STIM2: variants seen among roughly 807,000 people sequenced by gnomAD.
STIM2 encodes stromal interaction molecule 2.
Under a neutral mutation model 85.8 loss-of-function variants are expected in STIM2, and 31 were observed. That is an observed-to-expected ratio of 0.36 (90% CI 0.27 to 0.49). The LOEUF is 0.49. STIM2 is among the 20% of genes least tolerant of loss of function. The pLI is 0.98. For missense variants in STIM2, 841 were observed against 927.6 expected (o/e 0.91, Z 1.21); for synonymous variants, 356 against 331.1 (o/e 1.08, Z -0.82).
intron 1 of STIM2, among the ~76,000 whole-genome samples, chr4:26,903,473 T>G (rs1479509338): frequency 6.6e-6 from 1 of 152,244 alleles, no homozygotes; most frequent in Non-Finnish European, 1.5e-5. Flanking sequence ...TATTTCTGTT[T>G]GCTTCAAGTA....
intron 8 of STIM2, 125 bp from the exon 9 acceptor site, chr4:27,008,303 A>C (rs995848491): frequency 3.6e-6 from 2 of 550,192 alleles, no homozygotes; most frequent in African/African-American, 3.9e-5. Context: ...CTTGGCTAGT[A>C]ATTCTCTACT....
chr4:26,868,228 A>C (rs1722475869), intron 1 of STIM2, among the ~76,000 whole-genome samples: 1 of 152,230 alleles, frequency 6.6e-6, no homozygotes, highest in Non-Finnish European at 1.5e-5. Context: ...AGCGCAGTTT[A>C]CTTGGACTAA....
At chr4:26,977,121 C>T (rs1008720298) in intron 3 of STIM2, among the ~76,000 whole-genome samples, 1 of 152,058 alleles carries the variant, frequency 6.6e-6, no homozygotes, top group Non-Finnish European at 1.5e-5. Context: ...ATCAGAGTGG[C>T]GCTAGAGGGT....
chr4:27,003,310 G>A (rs2109132551), intron 7 of STIM2, among the ~76,000 whole-genome samples: 1 of 152,232 alleles, frequency 6.6e-6, no homozygotes, highest in Middle Eastern at 3.4e-3. Context: ...TTACCATCAT[G>A]TTCACTCATT....
chr4:26,988,580 T>C (rs1727661637), intron 3 of STIM2, among the ~76,000 whole-genome samples: 1 of 152,168 alleles, frequency 6.6e-6, no homozygotes. Flanking sequence ...GCACAATGTT[T>C]AACAACTCTA....
intron 5 of STIM2, among the ~76,000 whole-genome samples, chr4:27,000,510 A>G (rs1030755733): frequency 1.3e-5 from 2 of 152,184 alleles, no homozygotes; most frequent in Admixed American, 6.5e-5. Flanking sequence ...GTTGGTAAAA[A>G]TAGGAATTAA....
At chr4:27,021,491 C>G (rs565120571) in intron 11 of STIM2, 2 of 456,672 alleles carry the variant, frequency 4.4e-6, no homozygotes, top group Admixed American at 4.7e-5. Context: ...TGGCATGTTA[C>G]AGGAACACAA....
At position 27,023,045 on chromosome 4, in the gene STIM2, A is replaced by G. The variant is rs554876650; in HGVS notation, c.*49A>G. Reference sequence around the variant, plus strand: ...GTTCAAGTGGCATCTGTAAACTATTATCCCCCACCCTCCACTCCCCACCTT... The same window carrying G: ...GTTCAAGTGGCATCTGTAAACTATTGTCCCCCACCCTCCACTCCCCACCTT... On this transcript the variant is annotated 3_prime_UTR_variant, in exon 12 of 12. Transcript: ENST00000467087. 1 of 1,544,268 alleles carries G rather than the reference A, an allele frequency of 6.5e-7. No individual in the cohort carries two copies. Among genetic ancestry groups the G allele is most frequent in the East Asian group, 2.2e-5 (1 of 44,484 alleles).
intron 1 of STIM2, among the ~76,000 whole-genome samples, chr4:26,904,359 C>T (rs1204723680): frequency 6.6e-6 from 1 of 152,026 alleles, no homozygotes; most frequent in Non-Finnish European, 1.5e-5. Flanking sequence ...AAGCCATCAC[C>T]ATAGTCAGTA....
chr4:27,019,610 C>A, intron 11 of STIM2: 1 of 640,124 alleles, frequency 1.6e-6, no homozygotes, highest in Non-Finnish European at 2.4e-6. Flanking sequence ...ACTTTTCTTC[C>A]TCTTCATTTT....
intron 11 of STIM2, chr4:27,019,416 A>C (rs1355033640): frequency 7.8e-7 from 1 of 1,289,760 alleles, no homozygotes. Context: ...CATAGTCACC[A>C]GCAAGATGCC....
intron 1 of STIM2, among the ~76,000 whole-genome samples, chr4:26,868,205 A>G (rs1722474260): frequency 6.6e-6 from 1 of 152,246 alleles, no homozygotes; most frequent in African/African-American, 2.4e-5. Context: ...GATTGGAGCC[A>G]CAGAGCCTGG....
rs1036382260 is a variant in STIM2, at chr4:27,008,642, A to G, written c.1250+114A>G. 10 of 1,156,554 alleles carry G rather than the reference A, an allele frequency of 8.6e-6. No homozygotes were observed. In the South Asian group the frequency reaches 1.6e-4, roughly 18 times the overall value. The allele number at this position is 1,156,554 out of a possible 1,614,324, so 71.6% of individuals were successfully genotyped here. On this transcript the variant is annotated intron_variant, in intron 9 of 11. Transcript: ENST00000467087. ...AATTACATAATTTACATTAGTTTTA[A>G]GAGTGGGTTATTTCTTCTTGAAATT... is the stretch of plus-strand genomic sequence containing the variant.
chr4:26,996,563 C>T (rs961217687), intron 4 of STIM2, among the ~76,000 whole-genome samples: 17 of 151,968 alleles, frequency 1.1e-4, no homozygotes, highest in African/African-American at 4.1e-4. Context: ...TGAACATCAA[C>T]ATTAGTATTT....
intron 3 of STIM2, among the ~76,000 whole-genome samples, chr4:26,979,794 C>T (rs1011435408): frequency 6.6e-5 from 10 of 152,124 alleles, no homozygotes; most frequent in African/African-American, 2.2e-4. Flanking sequence ...TTTTATATGA[C>T]TTCACCTGCT....
chr4:26,993,127 T>G (rs2109123648), intron 3 of STIM2, among the ~76,000 whole-genome samples: 1 of 152,208 alleles, frequency 6.6e-6, no homozygotes, highest in Admixed American at 6.6e-5. Context: ...GCGTGTGAGG[T>G]ACAGCTGCAC....
chr4:27,007,980 T>C (rs1443257254), intron 8 of STIM2: 2 of 718,772 alleles, frequency 2.8e-6, no homozygotes, highest in Non-Finnish European at 5.2e-6. Context: ...TTTTTTCCTC[T>C]AGGTTGCTGC....
At chr4:26,868,385 C>T (rs1396743879) in intron 1 of STIM2, among the ~76,000 whole-genome samples, 1 of 152,048 alleles carries the variant, frequency 6.6e-6, no homozygotes, top group East Asian at 1.9e-4. Context: ...TTTGATCTTC[C>T]TAAACTTGAC....
intron 2 of STIM2, among the ~76,000 whole-genome samples, chr4:26,942,714 T>A (rs1725658608): frequency 6.6e-6 from 1 of 152,138 alleles, no homozygotes; most frequent in African/African-American, 2.4e-5. Flanking sequence ...ATGCCATCCT[T>A]ATTTTATTTC....
Sources: gnomAD v4.1 joint callset for allele counts (sites outside exome capture counted in the v4.1 genomes callset) on GRCh38, gnomAD v4.1.1 for gene constraint, MANE v1.5 for transcripts, NCBI Gene and HGNC (gene_info 2026-07-23, HGNC 2026-07-21) for gene names.